ZSCAN21: variants seen among roughly 807,000 people sequenced by gnomAD.
The protein encoded by ZSCAN21 is zinc finger and SCAN domain containing 21.
A neutral mutation model predicts 35.6 loss-of-function variants in ZSCAN21; 26 were observed. That is an observed-to-expected ratio of 0.73 (90% CI 0.54 to 1.01). The LOEUF is 1.01. Ranked by LOEUF, ZSCAN21 falls within the 50% of genes least tolerant of loss-of-function variation. The pLI is 0.00. For synonymous variants in ZSCAN21, 219 were observed against 219.3 expected (o/e 1.00, Z 0.01); for missense variants, 593 against 587.1 (o/e 1.01, Z -0.10).
chr7:100,052,004 C>G (rs1791897612), intron 1 of ZSCAN21, among the ~76,000 whole-genome samples: 1 of 152,144 alleles, frequency 6.6e-6, no homozygotes, highest in Non-Finnish European at 1.5e-5. Context: ...AGCCACAACT[C>G]TGCAGCCCGG....
chr7:100,057,738 A>C lies in ZSCAN21; in HGVS notation c.440A>C (p.Lys147Thr). The change falls in exon 3 of 4, where the codon AAG becomes ACG. Residue 147 changes from lysine to threonine, a missense_variant. Lys to Thr is a moderately conservative substitution (Grantham distance 78). Coordinates refer to ENST00000292450, the MANE Select transcript of ZSCAN21 (RefSeq NM_145914.3). ...AACGAACAGAAACCGGTGTGGGAGA[A>C]GATATCCTCCTCAGGAACTGCAAAG... ...PPNEQKPVWEKISSSGTAKES... is the reference protein window; with the variant it reads ...PPNEQKPVWETISSSGTAKES... 2.5e-6 allele frequency: 4 copies of C among 1,613,768 alleles called. No homozygotes were observed. Among genetic ancestry groups the C allele is most frequent in the Non-Finnish European group, 3.4e-6 (4 of 1,179,856 alleles).
intron 3 of ZSCAN21, among the ~76,000 whole-genome samples, chr7:100,063,557 A>G (rs920743516): frequency 6.6e-6 from 1 of 151,958 alleles, no homozygotes; most frequent in Non-Finnish European, 1.5e-5. Flanking sequence ...AGCTGAGGTC[A>G]CCTGCATTCC....
intron 1 of ZSCAN21, among the ~76,000 whole-genome samples, chr7:100,050,176 C>T (rs938549997): frequency 6.6e-6 from 1 of 152,138 alleles, no homozygotes; most frequent in Admixed American, 6.5e-5. Context: ...CGCCTTTTTT[C>T]CCTTTCTCTG....
In ZSCAN21 at chr7:100,064,629, T is replaced by G; in HGVS notation, c.*12T>G. Reference sequence around the variant, plus strand: ...GAGAAGCACCGTAACTTTCAAGCGCTCCTGTTGTTGTCGTTGTTTTAAACT... The same window carrying G: ...GAGAAGCACCGTAACTTTCAAGCGCGCCTGTTGTTGTCGTTGTTTTAAACT... On this transcript the variant is annotated 3_prime_UTR_variant, in exon 4 of 4. Coordinates refer to ENST00000292450, the MANE Select transcript of ZSCAN21 (RefSeq NM_145914.3). 1 of 1,607,916 alleles carries G rather than the reference T, an allele frequency of 6.2e-7. No homozygotes were observed. Among genetic ancestry groups the G allele is most frequent in the Non-Finnish European group, 8.5e-7 (1 of 1,176,556 alleles).
intron 1 of ZSCAN21, among the ~76,000 whole-genome samples, chr7:100,055,116 C>T (rs971540154): frequency 3.3e-5 from 5 of 151,526 alleles, no homozygotes; most frequent in African/African-American, 4.9e-5. Context: ...ACACCACACC[C>T]GCCTAATTTT....
At chr7:100,054,795 C>T (rs1188824289) in intron 1 of ZSCAN21, among the ~76,000 whole-genome samples, 5 of 140,122 alleles carry the variant, frequency 3.6e-5, no homozygotes, top group South Asian at 2.3e-4. Context: ...GCCGAGATCA[C>T]GCCACTGTAC....
Position 100,058,361 on chromosome 7 carries a change from G to A in ZSCAN21, c.592+471G>A, listed in dbSNP as rs569015450. Among the ~76,000 whole-genome samples, 11 of 152,276 alleles carry A rather than the reference G, an allele frequency of 7.2e-5. No individual in the cohort carries two copies. The South Asian group carries it at 2.1e-3, about 29-fold the overall frequency. ...AGAAGTTGTGGCTGTAGGCCCTGCT[G>A]TGGGATGAGGAGAAAACGGAATAAA... On this transcript the variant is annotated intron_variant, in intron 3 of 3. Transcript: ENST00000292450.
intron 1 of ZSCAN21, among the ~76,000 whole-genome samples, chr7:100,055,377 G>C (rs1403832478): frequency 1.3e-5 from 2 of 150,308 alleles, no homozygotes; most frequent in Admixed American, 1.3e-4. Flanking sequence ...GGATTCTTGT[G>C]TGCCTCAGCC....
intron 1 of ZSCAN21, among the ~76,000 whole-genome samples, chr7:100,056,103 C>G (rs1023176341): frequency 6.7e-6 from 1 of 149,974 alleles, no homozygotes; most frequent in Non-Finnish European, 1.5e-5. Flanking sequence ...CCACGCCTGG[C>G]TAATTTTTTG....
At chr7:100,051,780 T>C (rs967759823) in intron 1 of ZSCAN21, among the ~76,000 whole-genome samples, 8 of 151,764 alleles carry the variant, frequency 5.3e-5, no homozygotes, top group Non-Finnish European at 7.4e-5. Context: ...GGAGGGAAAA[T>C]GGACACAGAA....
rs755855453 is a variant in ZSCAN21, at chr7:100,057,273, G to A, written c.267G>A (p.Val89=). 3.7e-6 allele frequency: 6 copies of A among 1,613,782 alleles called. No homozygotes were observed. The highest frequency in any genetic ancestry group is 5.1e-6 in the Non-Finnish European group (6 of 1,179,970). The part of the protein sequence containing the change: ...HTKEQILELL[V]LEQFLTILPQ... ...AGGAGCAGATCCTGGAGCTACTGGT[G>A]CTGGAGCAGTTCCTGACCATCCTGC... Residue 89 remains valine, a synonymous_variant, in exon 2 of 4, where the codon GTG becomes GTA. Coordinates refer to ENST00000292450, the MANE Select transcript of ZSCAN21 (RefSeq NM_145914.3).
chr7:100,051,956 G>A lies in ZSCAN21; in HGVS notation c.-97+2115G>A, dbSNP rs556114125. Among the ~76,000 whole-genome samples, 7 of 152,120 alleles carry A rather than the reference G, an allele frequency of 4.6e-5. No individual in the cohort carries two copies. In the South Asian group the frequency reaches 6.2e-4, roughly 14 times the overall value. ...GCTTCTTTATTTTTTTAAGAGACAG[G>A]GTTTTCCTTTGTCACCCAGGCTGGA... is the stretch of plus-strand genomic sequence containing the variant. On this transcript the variant is annotated intron_variant, in intron 1 of 3. Transcript: ENST00000292450.
At position 100,064,094 on chromosome 7, in the gene ZSCAN21, CTG is replaced by C; in HGVS notation, c.900_901del (p.Lys303ThrfsTer31). The C allele has an allele frequency of 1.2e-6, 2 of 1,614,174 alleles. No homozygotes were observed. Among genetic ancestry groups the C allele is most frequent in the South Asian group, 1.1e-5 (1 of 91,082 alleles). On this transcript the variant is annotated frameshift_variant, in exon 4 of 4. Transcript: ENST00000292450. LOFTEE classifies it high-confidence loss of function. ...CTCACCAAACACAGGAGAACACACACTGGGGAGAAACCTTACGTGTGCACCAA... is the reference window on the plus strand; with the variant it reads ...CTCACCAAACACAGGAGAACACACACGGGAGAAACCTTACGTGTGCACCAA...
chr7:100,064,710 G>C lies in ZSCAN21; in HGVS notation c.*93G>C. The C allele has an allele frequency of 6.2e-7, 1 of 1,608,834 alleles. No homozygotes were observed. The highest frequency in any genetic ancestry group is 8.5e-7 in the Non-Finnish European group (1 of 1,176,446). ...TCATTGCAGCAGCATCGATTCCGGT[G>C]ATAGAGTTTGTATCACTCAACATCA... is the stretch of plus-strand genomic sequence containing the variant. On this transcript the variant is annotated 3_prime_UTR_variant, in exon 4 of 4. Coordinates refer to ENST00000292450, the MANE Select transcript of ZSCAN21 (RefSeq NM_145914.3).
chr7:100,052,461 A>G (rs74580522), intron 1 of ZSCAN21, among the ~76,000 whole-genome samples: 3 of 151,980 alleles, frequency 2.0e-5, no homozygotes, highest in Non-Finnish European at 4.4e-5. Context: ...AAAAAAAAAA[A>G]GTGAAAGAGG....
At position 100,064,409 on chromosome 7, in the gene ZSCAN21, C is replaced by T; in HGVS notation, c.1214C>T (p.Ser405Phe). 6.2e-7 allele frequency: 1 copy of T among 1,613,628 alleles called. No homozygotes were observed. Among genetic ancestry groups the T allele is most frequent in the Non-Finnish European group, 8.5e-7 (1 of 1,179,874 alleles). The change falls in exon 4 of 4, where the codon TCC becomes TTC. Residue 405 changes from serine to phenylalanine, a missense_variant. Coordinates refer to ENST00000292450, the MANE Select transcript of ZSCAN21 (RefSeq NM_145914.3). ...KSFSQHAGLS[S>F]HQRLHTGEKP... is the part of the protein sequence containing the mutation. ...TTCAGTCAGCATGCGGGCCTCAGCTCCCACCAGAGACTCCACACCGGAGAG... is the reference window on the plus strand; with the variant it reads ...TTCAGTCAGCATGCGGGCCTCAGCTTCCACCAGAGACTCCACACCGGAGAG...
In ZSCAN21 at chr7:100,057,189, G is replaced by A. The variant is rs1370006502; in HGVS notation, c.183G>A (p.Glu61=). Residue 61 remains glutamate, a synonymous_variant, in exon 2 of 4, where the codon GAG becomes GAA. Coordinates refer to ENST00000292450, the MANE Select transcript of ZSCAN21 (RefSeq NM_145914.3). ...FGYHDTPGPR[E]ALSQLRVLCC... is the part of the protein sequence containing the mutation. ...ACCATGATACCCCTGGACCCCGAGA[G>A]GCCCTGAGCCAACTCCGGGTGCTCT... 6 of 1,613,884 alleles carry A rather than the reference G, an allele frequency of 3.7e-6. No homozygotes were observed. Among genetic ancestry groups the A allele is most frequent in the Non-Finnish European group, 5.1e-6 (6 of 1,180,018 alleles).
In ZSCAN21 at chr7:100,063,908, A is replaced by G. The variant is rs1792479507; in HGVS notation, c.713A>G (p.Glu238Gly). Residue 238 changes from glutamate (E) to glycine (G), a missense_variant, in exon 4 of 4, where the codon GAG (glutamate) becomes GGG (glycine). Glu to Gly is a moderately conservative substitution (Grantham distance 98, BLOSUM62 -2). Coordinates refer to ENST00000292450, the MANE Select transcript of ZSCAN21 (RefSeq NM_145914.3). The part of the protein sequence containing the change: ...IIANKPEASL[E>G]RQCVNLENEK... ...GCCAATAAACCTGAGGCCAGCTTAG[A>G]GAGGCAGTGCGTAAACCTTGAAAAT... 1.2e-6 allele frequency: 2 copies of G among 1,614,196 alleles called. No individual in the cohort carries two copies. Among genetic ancestry groups the G allele is most frequent in the Non-Finnish European group, 1.7e-6 (2 of 1,180,044 alleles).
chr7:100,055,544 G>A (rs757201210), intron 1 of ZSCAN21, among the ~76,000 whole-genome samples: 12 of 152,042 alleles, frequency 7.9e-5, no homozygotes, highest in Non-Finnish European at 1.2e-4. Context: ...GAGCCACTGC[G>A]CCCGACCTCA....
Sources: gnomAD v4.1 joint callset for allele counts (sites outside exome capture counted in the v4.1 genomes callset) on GRCh38, gnomAD v4.1.1 for gene constraint, MANE v1.5 for transcripts, NCBI Gene and HGNC (gene_info 2026-07-23, HGNC 2026-07-21) for gene names.